Variants in RNF121 observed in about 807,000 individuals in gnomAD.
The protein encoded by RNF121 is ring finger protein 121, also known as E3 ubiquitin ligase RNF121.
A neutral mutation model predicts 46.5 loss-of-function variants in RNF121; 21 were observed. That is an observed-to-expected ratio of 0.45 (90% CI 0.32 to 0.65). The LOEUF (loss-of-function observed/expected upper bound fraction) is 0.65. RNF121 is among the 30% of genes least tolerant of loss of function. RNF121 has a pLI of 0.04. For synonymous variants in RNF121, 139 were observed against 144.7 expected, an observed-to-expected ratio of 0.96 and a Z score of 0.28; for missense variants, 346 against 416.0, an observed-to-expected ratio of 0.83 and a Z score of 1.46.
At chr11:71,951,503 G>T (rs1333399449) in intron 1 of RNF121, among the ~76,000 whole-genome samples, 2 of 151,982 alleles carry the variant, frequency 1.3e-5, no homozygotes, top group Admixed American at 1.3e-4. Context: ...TACTTGGGAG[G>T]TAGTCCCAGC....
chr11:71,929,065 G>A lies in RNF121; in HGVS notation c.4G>A (p.Ala2Thr). ...GGTGAGGGGGCGAGCCGTGAAGATG[G>A]CGGCAGTGGTGGAGGTGGAGGTTGG... is the stretch of plus-strand genomic sequence containing the variant. Reference protein sequence around the residue: MAAVVEVEVGGG... With the variant: MTAVVEVEVGGG... The change falls in exon 1 of 9, where the codon GCG becomes ACG. Residue 2 changes from alanine (A) to threonine (T), a missense_variant. Ala to Thr is a moderately conservative substitution (Grantham distance 58, BLOSUM62 0). Around this residue, in one of 2 missense-constraint regions of RNF121, gnomAD observed 60 missense variants for 32.2 expected, o/e 1.86. Transcript: ENST00000361756. The A allele has an allele frequency of 6.4e-7, 1 of 1,551,502 alleles. No individual in the cohort carries two copies. Among genetic ancestry groups the A allele is most frequent in the African/African-American group, 1.4e-5 (1 of 73,180 alleles).
chr11:71,991,171 G>A (rs560929314), intron 6 of RNF121, among the ~76,000 whole-genome samples: 21 of 151,984 alleles, frequency 1.4e-4, no homozygotes, highest in African/African-American at 3.6e-4. Context: ...TCAGTATCAC[G>A]CAGTATGCCC....
chr11:71,987,341 G>T (rs562234659), intron 5 of RNF121, among the ~76,000 whole-genome samples: 1 of 152,256 alleles, frequency 6.6e-6, no homozygotes, highest in South Asian at 2.1e-4. Context: ...TATTTTCCAA[G>T]GCTTTATATT....
At chr11:71,981,998 G>C (rs537673699) in intron 3 of RNF121, among the ~76,000 whole-genome samples, 2 of 152,258 alleles carry the variant, frequency 1.3e-5, no homozygotes, top group East Asian at 3.9e-4. Context: ...GGAAGGCTTC[G>C]TGTGTCTTGG....
chr11:71,942,718 C>A (rs929827548), intron 1 of RNF121, among the ~76,000 whole-genome samples: 5 of 150,476 alleles, frequency 3.3e-5, no homozygotes, highest in African/African-American at 4.9e-5. Flanking sequence ...GAGCCAAGAT[C>A]GTGCCACTGC....
intron 8 of RNF121, 61 bp downstream of exon 8, chr11:71,995,612 G>C: frequency 7.3e-7 from 1 of 1,373,090 alleles, no homozygotes; most frequent in Non-Finnish European, 1.0e-6. Context: ...TGGCCAGTGT[G>C]ACCTGCATTT....
intron 3 of RNF121, among the ~76,000 whole-genome samples, chr11:71,975,659 C>T (rs570259711): frequency 6.6e-6 from 1 of 152,320 alleles, no homozygotes; most frequent in South Asian, 2.1e-4. Flanking sequence ...ATTCCCCAGT[C>T]ATTAGCATGG....
intron 3 of RNF121, among the ~76,000 whole-genome samples, chr11:71,980,354 T>C (rs1337224412): frequency 3.9e-5 from 6 of 152,196 alleles, no homozygotes; most frequent in East Asian, 1.9e-4. Context: ...ATGACACTTT[T>C]TTTTTTTTAA....
chr11:71,987,271 A>G (rs145545817), intron 5 of RNF121, among the ~76,000 whole-genome samples, 160 bp downstream of exon 5: 1 of 152,286 alleles, frequency 6.6e-6, no homozygotes, highest in East Asian at 1.9e-4. Context: ...GCTCTCCATG[A>G]TTTGTTCTGG....
chr11:71,991,043 G>T (rs1954854667), intron 6 of RNF121, among the ~76,000 whole-genome samples: 1 of 152,098 alleles, frequency 6.6e-6, no homozygotes, highest in African/African-American at 2.4e-5. Flanking sequence ...CATAAAGATG[G>T]CAACAGTAGG....
rs535254013 is a variant in RNF121, at chr11:71,995,128, G to A, written c.761+276G>A. ...GATCTGACCAGTCACAGGGGAAGAG[G>A]ACCCTCTAATGGGATCCCTCAGTTT... On this transcript the variant is annotated intron_variant, in intron 7 of 8. Transcript: ENST00000361756. 31 of 564,072 alleles carry A rather than the reference G, an allele frequency of 5.5e-5. No homozygotes were observed. In the South Asian group the frequency reaches 6.3e-4, roughly 11 times the overall value. 34.9% of individuals were successfully genotyped at this position (564,072 alleles called of 1,614,324 possible). A position where few individuals can be genotyped will look rare whatever the true frequency, so the allele number is the denominator to read the frequency against.
intron 1 of RNF121, among the ~76,000 whole-genome samples, chr11:71,934,555 T>C (rs913674127): frequency 1.7e-4 from 26 of 152,246 alleles, no homozygotes; most frequent in African/African-American, 6.3e-4. Flanking sequence ...CCTATAGACA[T>C]TTAGTAAATG....
chr11:71,969,304 CAT>C (rs1451492549), intron 3 of RNF121, among the ~76,000 whole-genome samples: 3 of 152,056 alleles, frequency 2.0e-5, no homozygotes, highest in East Asian at 1.9e-4. Flanking sequence ...TGGAATATAA[CAT>C]ATAAAATAAT....
chr11:71,993,380 C>G (rs7125718), intron 6 of RNF121, among the ~76,000 whole-genome samples: 1 of 152,222 alleles, frequency 6.6e-6, no homozygotes, highest in African/African-American at 2.4e-5. Context: ...TTACCCCTTC[C>G]CACAGCCCTG....
chr11:71,994,994 A>T, intron 7 of RNF121, 142 bp downstream of exon 7: 1 of 1,126,918 alleles, frequency 8.9e-7, no homozygotes, highest in Middle Eastern at 3.0e-4. Flanking sequence ...CACCTTCCCT[A>T]CCCTTTCCCA....
At chr11:71,964,699 G>A (rs79926580) in intron 3 of RNF121, among the ~76,000 whole-genome samples, 165 of 152,192 alleles carry the variant, frequency 1.1e-3, no homozygotes, top group African/African-American at 3.7e-3. Context: ...GGCTGGTCTC[G>A]CCCTCCTGAA....
At chr11:71,932,416 T>G (rs1953296503) in intron 1 of RNF121, among the ~76,000 whole-genome samples, 1 of 152,264 alleles carries the variant, frequency 6.6e-6, no homozygotes, top group Non-Finnish European at 1.5e-5. Context: ...TATATGGAGC[T>G]TAGCCCATGC....
At chr11:71,936,619 C>G (rs1196718101) in intron 1 of RNF121, among the ~76,000 whole-genome samples, 1 of 152,160 alleles carries the variant, frequency 6.6e-6, no homozygotes, top group Non-Finnish European at 1.5e-5. Flanking sequence ...TGGTCTCGAT[C>G]TCCTGACCTT....
At chr11:71,983,381 C>T (rs1954704690) in intron 4 of RNF121, among the ~76,000 whole-genome samples, 1 of 152,198 alleles carries the variant, frequency 6.6e-6, no homozygotes, top group African/African-American at 2.4e-5. Flanking sequence ...TTTTGTTTGT[C>T]ACTGTATATT....
Sources: allele counts gnomAD v4.1 joint callset (sites outside exome capture counted in the v4.1 genomes callset), GRCh38; gene constraint gnomAD v4.1.1; regional missense constraint gnomAD v4.1.1; transcripts MANE v1.5; gene names NCBI Gene and HGNC (gene_info 2026-07-23, HGNC 2026-07-21).